Variants in CCDC191 observed in about 807,000 individuals in gnomAD.
CCDC191 encodes the protein coiled-coil domain containing 191, also known as coiled-coil domain-containing protein 191.
CCDC191 carries 99 observed loss-of-function variants against 114.0 expected under a neutral mutation model. That is an observed-to-expected ratio of 0.87 (90% confidence interval 0.74 to 1.03). CCDC191 has a LOEUF of 1.03. CCDC191 is among the 50% of genes least tolerant of loss of function. The probability of loss-of-function intolerance (pLI) is 0.00; values close to 1 mark genes in which losing one functional copy is unlikely to be tolerated. For synonymous variants in CCDC191, 351 were observed against 376.0 expected (o/e 0.93, Z 0.77); for missense variants, 973 against 1,087.0 (o/e 0.90, Z 1.47).
chr3:113,966,268 T>C (rs1162218087), intron 16 of CCDC191, among the ~76,000 whole-genome samples: 1 of 152,218 alleles, frequency 6.6e-6, no homozygotes, highest in Non-Finnish European at 1.5e-5. Context: ...AAACATGGTA[T>C]GGAAGACTGT....
intron 16 of CCDC191, among the ~76,000 whole-genome samples, chr3:113,974,610 C>T (rs545414622): frequency 1.3e-4 from 20 of 152,228 alleles, no homozygotes; most frequent in South Asian, 8.3e-4. Flanking sequence ...TGAGCCACCA[C>T]GCCCGGCCAA....
At chr3:113,999,228 T>G (rs541051731) in intron 13 of CCDC191, among the ~76,000 whole-genome samples, 3 of 152,182 alleles carry the variant, frequency 2.0e-5, no homozygotes, top group African/African-American at 7.2e-5. Context: ...TTCCCATGAC[T>G]TTATGCTTTA....
chr3:114,024,666 C>T (rs2076293999), intron 7 of CCDC191, among the ~76,000 whole-genome samples: 1 of 151,480 alleles, frequency 6.6e-6, no homozygotes. Flanking sequence ...CACAGGGACA[C>T]AGGAAGGGGA....
At chr3:114,022,846 A>C (rs375794488) in intron 7 of CCDC191, among the ~76,000 whole-genome samples, 18 of 152,276 alleles carry the variant, frequency 1.2e-4, no homozygotes, top group East Asian at 1.2e-3. Context: ...ATAGTGTTGG[A>C]AGTTCTGGCC....
intron 16 of CCDC191, among the ~76,000 whole-genome samples, chr3:113,973,924 T>G (rs1010911223): frequency 6.6e-6 from 1 of 151,522 alleles, no homozygotes; most frequent in Non-Finnish European, 1.5e-5. Flanking sequence ...TTTTTAGATA[T>G]GATCTTCTGA....
rs759343108 is a variant in CCDC191, at chr3:113,978,235, T to C, written c.2557A>G (p.Lys853Glu). ...RAWFNMVREV[K>E]IDSQGKHEIA... is the part of the protein sequence containing the mutation. ...TCATGCTTGCCCTGAGAATCGATCTTCACCTCCCTGACCATGTTAAACCAG... is the reference window on the plus strand; with the variant it reads ...TCATGCTTGCCCTGAGAATCGATCTCCACCTCCCTGACCATGTTAAACCAG... The change falls in exon 16 of 17, where the codon AAG (lysine) becomes GAG (glutamate). Residue 853 changes from lysine (K) to glutamate (E), a missense_variant. Lys to Glu is a moderately conservative substitution (Grantham distance 56). Coordinates refer to ENST00000295878, the MANE Select transcript of CCDC191 (RefSeq NM_020817.2). 21 of 1,613,892 alleles carry C rather than the reference T, an allele frequency of 1.3e-5. No homozygotes were observed. Among genetic ancestry groups the C allele is most frequent in the Non-Finnish European group, 1.8e-5 (21 of 1,179,948 alleles).
intron 11 of CCDC191, chr3:114,003,493 A>T (rs1451609101): frequency 1.0e-6 from 1 of 985,312 alleles, no homozygotes. Context: ...AGGGGATTAA[A>T]GTAAGAGACC....
intron 7 of CCDC191, among the ~76,000 whole-genome samples, chr3:114,020,354 C>T (rs749434486): frequency 7.2e-5 from 11 of 152,110 alleles, no homozygotes; most frequent in African/African-American, 2.4e-4. Flanking sequence ...GTTTTCCAAA[C>T]AGGGTATTAG....
chr3:113,983,664 T>C (rs76786161), intron 13 of CCDC191, among the ~76,000 whole-genome samples: 470 of 152,362 alleles, frequency 3.1e-3, no homozygotes, highest in African/African-American at 0.011. Context: ...AGGGCTGTTA[T>C]CTGTCTTCTT....
chr3:114,023,284 G>A (rs1262733667), intron 7 of CCDC191, among the ~76,000 whole-genome samples: 1 of 152,142 alleles, frequency 6.6e-6, no homozygotes, highest in Non-Finnish European at 1.5e-5. Context: ...TACTGCCCAA[G>A]GTAATTTATA....
At chr3:114,033,189 C>T (rs2076433502) in intron 6 of CCDC191, among the ~76,000 whole-genome samples, 1 of 151,750 alleles carries the variant, frequency 6.6e-6, no homozygotes, top group Non-Finnish European at 1.5e-5. Flanking sequence ...CCTCTGCCTC[C>T]TGGGTTCAGG....
At chr3:113,991,267 C>CA (rs1020789775) in intron 13 of CCDC191, among the ~76,000 whole-genome samples, 1 of 142,368 alleles carries the variant, frequency 7.0e-6, no homozygotes, top group Non-Finnish European at 1.5e-5. Context: ...AACCCCCCCC[C>CA]CCAAAAACCA....
intron 16 of CCDC191, among the ~76,000 whole-genome samples, chr3:113,965,836 C>G (rs1240657607): frequency 2.0e-5 from 3 of 152,192 alleles, no homozygotes; most frequent in South Asian, 4.2e-4. Flanking sequence ...CTCAAGTGAT[C>G]TGCCTGCCTT....
chr3:113,977,993 T>C (rs533945917), intron 16 of CCDC191, among the ~76,000 whole-genome samples, 193 bp downstream of exon 16: 1 of 152,306 alleles, frequency 6.6e-6, no homozygotes, highest in Non-Finnish European at 1.5e-5. Context: ...CCCACTTCTC[T>C]TTTTAAAGAT....
At chr3:114,023,712 G>C (rs993757934) in intron 7 of CCDC191, among the ~76,000 whole-genome samples, 1 of 152,012 alleles carries the variant, frequency 6.6e-6, no homozygotes, top group African/African-American at 2.4e-5. Flanking sequence ...AATTCAAGAT[G>C]GATTAAAGAC....
At chr3:114,006,676 A>T (rs2107671311) in intron 9 of CCDC191, among the ~76,000 whole-genome samples, 1 of 148,532 alleles carries the variant, frequency 6.7e-6, no homozygotes, top group Non-Finnish European at 1.5e-5. Context: ...TTGACTCTGA[A>T]TTTTAGTGGA....
chr3:114,001,648 C>G lies in CCDC191; in HGVS notation c.2110G>C (p.Glu704Gln). Residue 704 changes from glutamate (E) to glutamine (Q), a missense_variant, in exon 13 of 17, where the codon GAA becomes CAA. Transcript: ENST00000295878. ...EEERQKREAEEKEAQLERKRE... is the reference protein window; with the variant it reads ...EEERQKREAEQKEAQLERKRE... ...TTTCTTTCAAGCTGTGCCTCCTTTT[C>G]TTCTGCCTCCCTTTTCTGACGTTCC... The G allele has an allele frequency of 2.5e-6, 4 of 1,613,926 alleles. No homozygotes were observed. The highest frequency in any genetic ancestry group is 3.4e-6 in the Non-Finnish European group (4 of 1,179,828).
intron 7 of CCDC191, among the ~76,000 whole-genome samples, chr3:114,024,498 C>A (rs192028977): frequency 1.3e-5 from 2 of 152,324 alleles, no homozygotes; most frequent in African/African-American, 4.8e-5. Flanking sequence ...GGCACATATA[C>A]ACCATGGAAT....
intron 2 of CCDC191, among the ~76,000 whole-genome samples, chr3:114,053,110 A>G (rs2076719008): frequency 1.3e-5 from 2 of 152,344 alleles, no homozygotes; most frequent in South Asian, 2.1e-4. Context: ...ACATTAAGTG[A>G]CCAGTTAGAG....
Sources: gnomAD v4.1 joint callset for allele counts (sites outside exome capture counted in the v4.1 genomes callset) on GRCh38, gnomAD v4.1.1 for gene constraint, MANE v1.5 for transcripts, NCBI Gene and HGNC (gene_info 2026-07-23, HGNC 2026-07-21) for gene names.